DYNC2LI1: variants seen among roughly 807,000 people sequenced by gnomAD.
DYNC2LI1 encodes the protein cytoplasmic dynein 2 light intermediate chain 1.
DYNC2LI1 carries 45 observed loss-of-function variants against 51.9 expected under a neutral mutation model. The observed-to-expected ratio is 0.87, with a 90% CI of 0.68 to 1.11. The LOEUF is 1.11. Ranked by LOEUF, DYNC2LI1 falls within the 50% of genes most tolerant of loss-of-function variation. The pLI is 0.00. For synonymous variants in DYNC2LI1, 130 were observed against 137.8 expected, an observed-to-expected ratio of 0.94 and a Z score of 0.40; for missense variants, 490 against 417.4, an observed-to-expected ratio of 1.17 and a Z score of -1.51.
chr2:43,827,967 T>A, the DYNC2LI1 span: 5 of 1,613,674 alleles, frequency 3.1e-6, no homozygotes, highest in Admixed American at 6.7e-5. Flanking sequence ...TAGTAACAGT[T>A]CTGGGTGCCA....
intron 12 of DYNC2LI1, among the ~76,000 whole-genome samples, chr2:43,806,140 C>T (rs146589646): frequency 0.016 from 2,505 of 152,210 alleles, 47 homozygotes; most frequent in East Asian, 0.045. Flanking sequence ...CCTTGGCCTC[C>T]CAAAGTGCTG....
chr2:43,796,113 A>C (rs1440727300), intron 7 of DYNC2LI1, among the ~76,000 whole-genome samples, 155 bp downstream of exon 7: 1 of 152,190 alleles, frequency 6.6e-6, no homozygotes, highest in Non-Finnish European at 1.5e-5. Context: ...CATAGTTGGG[A>C]CAGAAAAAAA....
chr2:43,805,278 T>C, intron 12 of DYNC2LI1, 32 bp downstream of exon 12: 1 of 1,466,440 alleles, frequency 6.8e-7, no homozygotes, highest in Non-Finnish European at 9.5e-7. Context: ...TAATTTCATC[T>C]GAAATTTTAA....
the DYNC2LI1 span, among the ~76,000 whole-genome samples, chr2:43,818,319 C>G: frequency 1.3e-5 from 2 of 152,120 alleles, no homozygotes; most frequent in African/African-American, 2.4e-5. Flanking sequence ...TGGCGCACAC[C>G]TGTAATCCCA....
intron 5 of DYNC2LI1, among the ~76,000 whole-genome samples, chr2:43,790,219 G>A (rs993574530): frequency 6.6e-6 from 1 of 152,198 alleles, no homozygotes; most frequent in Non-Finnish European, 1.5e-5. Flanking sequence ...TAGAGAAATA[G>A]AACTTAGAGG....
the DYNC2LI1 span, chr2:43,822,480 C>T: frequency 1.2e-5 from 9 of 737,050 alleles, no homozygotes; most frequent in African/African-American, 3.1e-4. Context: ...TCCCCCAGGC[C>T]CCCCCCCATG....
At chr2:43,827,054 G>A in the DYNC2LI1 span, among the ~76,000 whole-genome samples, 1,836 of 152,304 alleles carry the variant, frequency 0.012, 28 homozygotes, top group African/African-American at 0.042. Flanking sequence ...GCCGGGCGCG[G>A]TGGCTCACGC....
intron 10 of DYNC2LI1, among the ~76,000 whole-genome samples, chr2:43,803,566 T>C (rs1472463266): frequency 1.3e-5 from 2 of 152,114 alleles, no homozygotes; most frequent in Non-Finnish European, 2.9e-5. Context: ...GAGGAGGTTA[T>C]GTCTATAAAA....
chr2:43,811,478 G>A (rs150904191), downstream of DYNC2LI1, among the ~76,000 whole-genome samples: 4 of 152,198 alleles, frequency 2.6e-5, no homozygotes, highest in Non-Finnish European at 4.4e-5. Flanking sequence ...AAGTTCATGC[G>A]CTCTCTACCA....
At chr2:43,811,290 T>A (rs891384417), downstream of DYNC2LI1, among the ~76,000 whole-genome samples, 6 of 152,252 alleles carry the variant, frequency 3.9e-5, no homozygotes, top group African/African-American at 1.4e-4. Context: ...AGACCTTTTA[T>A]AAAAATTGAC....
At chr2:43,796,539 C>A (rs1241402394) in intron 7 of DYNC2LI1, among the ~76,000 whole-genome samples, 179 bp from the exon 8 acceptor site, 2 of 152,020 alleles carry the variant, frequency 1.3e-5, no homozygotes, top group Non-Finnish European at 2.9e-5. Context: ...AGCTGTAGTT[C>A]TAAGAAGGCT....
At chr2:43,811,975 C>T (rs938873677), downstream of DYNC2LI1, among the ~76,000 whole-genome samples, 3 of 152,166 alleles carry the variant, frequency 2.0e-5, no homozygotes, top group African/African-American at 7.2e-5. Context: ...TACATATCAG[C>T]ACCCTTTACA....
At chr2:43,823,603 G>A in the DYNC2LI1 span, among the ~76,000 whole-genome samples, 1 of 152,160 alleles carries the variant, frequency 6.6e-6, no homozygotes, top group Non-Finnish European at 1.5e-5. Context: ...CCCATGGGCT[G>A]TGCATCTGAG....
chr2:43,799,442 T>C (rs1666001680), intron 8 of DYNC2LI1, among the ~76,000 whole-genome samples: 1 of 152,216 alleles, frequency 6.6e-6, no homozygotes, highest in African/African-American at 2.4e-5. Context: ...ACCTAAAATG[T>C]GATAACTCTC....
intron 2 of DYNC2LI1, among the ~76,000 whole-genome samples, chr2:43,782,763 G>T (rs1013929853): frequency 6.6e-6 from 1 of 151,958 alleles, no homozygotes; most frequent in Non-Finnish European, 1.5e-5. Context: ...GGGCAGATTA[G>T]ATGAGGCCAG....
intron 8 of DYNC2LI1, among the ~76,000 whole-genome samples, chr2:43,797,154 A>G (rs568863406): frequency 6.6e-6 from 1 of 152,196 alleles, no homozygotes; most frequent in African/African-American, 2.4e-5. Context: ...CAGTGTGTGT[A>G]TTGGGGATGG....
chr2:43,823,903 G>A, the DYNC2LI1 span: 2 of 1,613,100 alleles, frequency 1.2e-6, no homozygotes, highest in Non-Finnish European at 1.7e-6. Context: ...TCCAGCACGT[G>A]GGCACTTACA....
rs1225453128 is a variant in DYNC2LI1, at chr2:43,792,529, A to C, written c.321-1928A>C. The C allele has an allele frequency of 7.8e-6, 5 of 638,188 alleles. No individual in the cohort carries two copies. In the African/African-American group the frequency reaches 9.5e-5, roughly 12 times the overall value. The allele number at this position is 638,188 out of a possible 1,614,324, so 39.5% of individuals were successfully genotyped here. ...TAGTTTTTATTGTCGTAAAATATAC[A>C]TAGCGTAAAATTTTAGTCATTTTTA... On this transcript the variant is annotated intron_variant, in intron 5 of 12. Transcript: ENST00000260605.
intron 5 of DYNC2LI1, among the ~76,000 whole-genome samples, chr2:43,790,587 C>G (rs1355034768): frequency 1.3e-5 from 2 of 150,458 alleles, no homozygotes; most frequent in Non-Finnish European, 3.0e-5. Context: ...CTTTCTTTCA[C>G]TTATTAGAAA....
Sources: allele counts gnomAD v4.1 joint callset (sites outside exome capture counted in the v4.1 genomes callset), GRCh38; gene constraint gnomAD v4.1.1; transcripts MANE v1.5; gene names NCBI Gene and HGNC (gene_info 2026-07-23, HGNC 2026-07-21).